The following GRAMD1B variants were observed in gnomAD, a reference collection of about 807,000 sequenced individuals.
GRAMD1B encodes the protein GRAM domain containing 1B.
Under a neutral mutation model 99.7 loss-of-function variants are expected in GRAMD1B, and 37 were observed. The ratio of observed to expected loss-of-function variants is 0.37; its 90% CI spans 0.29 to 0.49. The LOEUF (loss-of-function observed/expected upper bound fraction) is 0.49, where lower values mean the gene tolerates loss of function less well. GRAMD1B is among the 20% of genes least tolerant of loss of function. The pLI is 0.98. For missense variants in GRAMD1B, 888 were observed against 1,009.2 expected (o/e 0.88, Z 1.63); for synonymous variants, 427 against 387.6 (o/e 1.10, Z -1.19).
At chr11:123,586,052 G>A (rs1950036859) in intron 4 of GRAMD1B, among the ~76,000 whole-genome samples, 1 of 152,034 alleles carries the variant, frequency 6.6e-6, no homozygotes, top group South Asian at 2.1e-4. Context: ...ATTCTAACAG[G>A]CTTTACTTCT....
At chr11:123,457,578 T>G (rs1391076268) in intron 1 of GRAMD1B, among the ~76,000 whole-genome samples, 2 of 152,366 alleles carry the variant, frequency 1.3e-5, no homozygotes, top group South Asian at 4.1e-4. Context: ...ATAAGCAAAC[T>G]GAAGTTCAGA....
intron 19 of GRAMD1B, 63 bp from the exon 20 acceptor site, chr11:123,622,443 C>T (rs904031733): frequency 1.0e-6 from 1 of 1,004,846 alleles, no homozygotes; most frequent in Admixed American, 2.0e-5. Context: ...GAGAGGGCTG[C>T]TCGGTGGAGA....
chr11:123,599,805 T>C (rs1951730749), intron 7 of GRAMD1B, among the ~76,000 whole-genome samples: 1 of 152,244 alleles, frequency 6.6e-6, no homozygotes, highest in South Asian at 2.1e-4. Context: ...ACTAACCAGC[T>C]TCTTGATTAT....
At chr11:123,565,850 G>A (rs574814788) in intron 2 of GRAMD1B, among the ~76,000 whole-genome samples, 1 of 152,314 alleles carries the variant, frequency 6.6e-6, no homozygotes, top group South Asian at 2.1e-4. Flanking sequence ...TTGTTCTGTT[G>A]TGAACAATCT....
intron 2 of GRAMD1B, among the ~76,000 whole-genome samples, chr11:123,553,554 CTCCTGG>C (rs1215566415): frequency 2.0e-5 from 3 of 152,204 alleles, no homozygotes; most frequent in African/African-American, 7.2e-5. Flanking sequence ...ACCCTTCAAT[CTCCTGG>C]CCATTTCTTG....
At chr11:123,361,227 C>A (rs963051131) in intron 1 of GRAMD1B, among the ~76,000 whole-genome samples, 1 of 152,260 alleles carries the variant, frequency 6.6e-6, no homozygotes, top group East Asian at 1.9e-4. Flanking sequence ...CACTGGTGGG[C>A]CCTCTCAATA....
intron 6 of GRAMD1B, 49 bp downstream of exon 6, chr11:123,594,887 A>G (rs773958512): frequency 4.3e-6 from 4 of 938,778 alleles, no homozygotes; most frequent in Non-Finnish European, 7.1e-6. Context: ...GCTATGGCTG[A>G]GCAAGCTGCC....
chr11:123,394,265 G>A (rs2135874221), intron 1 of GRAMD1B, among the ~76,000 whole-genome samples: 1 of 152,294 alleles, frequency 6.6e-6, no homozygotes, highest in African/African-American at 2.4e-5. Flanking sequence ...ATTGGCAACA[G>A]CTTTCTAGTT....
rs1183124736 is a variant in GRAMD1B, at chr11:123,625,928, C to G, written c.*3333C>G. ...TAGGTGGCTAGGAGGGCTGGGGAGG[C>G]CCAGTGGAAGAGAGAGAGAGAGAGA... On this transcript the variant is annotated 3_prime_UTR_variant, in exon 20 of 20. Coordinates refer to ENST00000635736, the MANE Select transcript of GRAMD1B (RefSeq NM_001387025.1). 1 of 95,048 alleles carries G rather than the reference C, an allele frequency of 1.1e-5. No homozygotes were observed. Among genetic ancestry groups the G allele is most frequent in the African/African-American group, 4.1e-5 (1 of 24,360 alleles). The allele number at this position is 95,048 out of a possible 1,614,324, so 5.9% of individuals were successfully genotyped here.
intron 2 of GRAMD1B, among the ~76,000 whole-genome samples, chr11:123,490,133 T>A (rs1233622720): frequency 6.6e-6 from 1 of 152,106 alleles, no homozygotes; most frequent in Non-Finnish European, 1.5e-5. Context: ...TTAAACACAA[T>A]TGAGAAAATG....
intron 18 of GRAMD1B, 32 bp from the exon 19 acceptor site, chr11:123,619,075 G>A: frequency 1.6e-6 from 2 of 1,224,728 alleles, no homozygotes; most frequent in South Asian, 1.3e-5. Flanking sequence ...CATAACTCCA[G>A]CTGCTGGGGT....
At chr11:123,499,926 T>G (rs1356059777) in intron 2 of GRAMD1B, among the ~76,000 whole-genome samples, 1 of 152,246 alleles carries the variant, frequency 6.6e-6, no homozygotes, top group African/African-American at 2.4e-5. Context: ...TTTCTCCCAC[T>G]CATCTTTTTT....
intron 2 of GRAMD1B, among the ~76,000 whole-genome samples, chr11:123,545,672 A>C (rs1160950399): frequency 3.9e-5 from 6 of 152,214 alleles, no homozygotes; most frequent in African/African-American, 1.4e-4. Flanking sequence ...GAATTAAAGG[A>C]ATTAATATTT....
At chr11:123,433,115 A>T (rs1247676720) in intron 1 of GRAMD1B, among the ~76,000 whole-genome samples, 2 of 152,090 alleles carry the variant, frequency 1.3e-5, no homozygotes, top group Admixed American at 6.5e-5. Context: ...GCACTTTGGG[A>T]GGCTGAGGCG....
chr11:123,574,365 G>A (rs1948488977), intron 2 of GRAMD1B, among the ~76,000 whole-genome samples: 1 of 152,192 alleles, frequency 6.6e-6, no homozygotes, highest in South Asian at 2.1e-4. Flanking sequence ...ACAGTAAGAT[G>A]TTGGGCTTGT....
rs188420915 is a variant in GRAMD1B at position 123,456,576 on chromosome 11, A to T, written c.375-24240A>T. Among the ~76,000 whole-genome samples, 12 of 151,762 alleles carry T rather than the reference A, an allele frequency of 7.9e-5. No individual in the cohort carries two copies. In the East Asian group the frequency reaches 2.4e-3, roughly 30 times the overall value. On this transcript the variant is annotated intron_variant, in intron 1 of 19. Transcript: ENST00000635736. ...GATCACTTGAGCCCCTGAATTTGAG[A>T]CCAGCCTGGGCAATGTCATGAGACC...
In GRAMD1B at chr11:123,591,509, C is replaced by T. The variant is rs1037960870; in HGVS notation, c.685-2573C>T. ...CCATGCACCTGCTGCCGCTGAACAC[C>T]GTTGCTGGCACGGATCTGAGGAAAT... On this transcript the variant is annotated intron_variant, in intron 4 of 19. Coordinates refer to ENST00000635736, the MANE Select transcript of GRAMD1B (RefSeq NM_001387025.1). The surrounding 1 kb of genome is among the most constrained non-coding windows in gnomAD (Gnocchi z 4.7). 20 of 398,842 alleles carry T rather than the reference C, an allele frequency of 5.0e-5. No homozygotes were observed. Among genetic ancestry groups the T allele is most frequent in the Admixed American group, 4.4e-5 (1 of 22,702 alleles). The allele number at this position is 398,842 out of a possible 1,614,324, so 24.7% of individuals were successfully genotyped here. A position where few individuals can be genotyped will look rare whatever the true frequency, so the allele number is the denominator to read the frequency against.
chr11:123,550,397 A>G (rs1361400923), intron 2 of GRAMD1B, among the ~76,000 whole-genome samples: 1 of 152,080 alleles, frequency 6.6e-6, no homozygotes, highest in Non-Finnish European at 1.5e-5. Context: ...TCACACTCAG[A>G]CACACCCACA....
chr11:123,390,501 A>G (rs1358945999), intron 1 of GRAMD1B, among the ~76,000 whole-genome samples: 1 of 152,150 alleles, frequency 6.6e-6, no homozygotes, highest in African/African-American at 2.4e-5. Context: ...AACAAAATAA[A>G]AGAGTTTTTA....
Sources: gnomAD v4.1 joint callset for allele counts (sites outside exome capture counted in the v4.1 genomes callset) on GRCh38, gnomAD v4.1.1 for gene constraint, Gnocchi (gnomAD v3.1) non-coding constraint, MANE v1.5 for transcripts, NCBI Gene and HGNC (gene_info 2026-07-23, HGNC 2026-07-21) for gene names.